Variants in HS6ST3 observed in about 807,000 individuals in gnomAD.
The protein encoded by HS6ST3 is heparan-sulfate 6-O-sulfotransferase 3.
Under a neutral mutation model 36.7 loss-of-function variants are expected in HS6ST3, and 12 were observed. That is an observed-to-expected ratio of 0.33 (90% CI 0.21 to 0.53). The LOEUF is 0.53. Ranked by LOEUF, HS6ST3 falls within the 20% of genes least tolerant of loss-of-function variation. The pLI is 0.95. For synonymous variants in HS6ST3, 240 were observed against 257.5 expected, an observed-to-expected ratio of 0.93 and a Z score of 0.65; for missense variants, 584 against 640.9, an observed-to-expected ratio of 0.91 and a Z score of 0.96.
chr13:96,715,707 A>G (rs902619980), intron 1 of HS6ST3, among the ~76,000 whole-genome samples: 2 of 152,126 alleles, frequency 1.3e-5, no homozygotes, highest in African/African-American at 4.8e-5. Context: ...TCCGATAATG[A>G]AAGTTGTTAA....
chr13:96,427,636 C>T (rs1264697802), intron 1 of HS6ST3, among the ~76,000 whole-genome samples: 1 of 152,052 alleles, frequency 6.6e-6, no homozygotes, highest in African/African-American at 2.4e-5. Flanking sequence ...ATCCTTTATT[C>T]AGCTTTCCCT....
At chr13:96,554,489 C>A (rs1348157971) in intron 1 of HS6ST3, among the ~76,000 whole-genome samples, 2 of 152,146 alleles carry the variant, frequency 1.3e-5, no homozygotes, top group African/African-American at 4.8e-5. Flanking sequence ...TCTGCTATAA[C>A]AAAACCAATG....
At chr13:96,229,759 G>A (rs1377702653) in intron 1 of HS6ST3, among the ~76,000 whole-genome samples, 2 of 152,138 alleles carry the variant, frequency 1.3e-5, no homozygotes, top group Admixed American at 1.3e-4. Context: ...AGCCTTCAAG[G>A]GGTTCACTAT....
chr13:96,277,230 A>C (rs2054752724), intron 1 of HS6ST3, among the ~76,000 whole-genome samples: 1 of 152,210 alleles, frequency 6.6e-6, no homozygotes, highest in Admixed American at 6.5e-5. Flanking sequence ...CCAGTGAAGG[A>C]TTCCTTGAAT....
intron 1 of HS6ST3, among the ~76,000 whole-genome samples, chr13:96,371,798 AGTTTTTT>A (rs2055291377): frequency 6.6e-6 from 1 of 152,094 alleles, no homozygotes; most frequent in Non-Finnish European, 1.5e-5. Flanking sequence ...TTCCCTTCTT[AGTTTTTT>A]AAAGGATTAA....
chr13:96,777,780 A>C (rs1316167607), intron 1 of HS6ST3, among the ~76,000 whole-genome samples: 1 of 152,212 alleles, frequency 6.6e-6, no homozygotes, highest in Non-Finnish European at 1.5e-5. Context: ...TGCTATCCCC[A>C]TCAAGTTACC....
chr13:96,520,237 A>G (rs1239078487), intron 1 of HS6ST3, among the ~76,000 whole-genome samples: 1 of 152,190 alleles, frequency 6.6e-6, no homozygotes, highest in Non-Finnish European at 1.5e-5. Flanking sequence ...TACCAGTACC[A>G]TGCTGTTTTG....
chr13:96,524,670 A>T (rs1566386679), intron 1 of HS6ST3, among the ~76,000 whole-genome samples: 1 of 152,234 alleles, frequency 6.6e-6, no homozygotes, highest in Admixed American at 6.5e-5. Flanking sequence ...CTCCGTGGGC[A>T]TGGGACCTGC....
chr13:96,554,243 A>G (rs1183186210), intron 1 of HS6ST3, among the ~76,000 whole-genome samples: 1 of 152,182 alleles, frequency 6.6e-6, no homozygotes, highest in Non-Finnish European at 1.5e-5. Context: ...TTCAAAATAG[A>G]TAACAGCCAG....
intron 1 of HS6ST3, among the ~76,000 whole-genome samples, chr13:96,125,266 G>T (rs937994385): frequency 2.0e-5 from 3 of 152,032 alleles, no homozygotes; most frequent in Non-Finnish European, 4.4e-5. Context: ...TTACAACTGG[G>T]GGAAATATTT....
Position 96,792,265 on chromosome 13 carries a change from G to C in HS6ST3, c.708-40225G>C, listed in dbSNP as rs750099593. 1.9e-3 allele frequency among the ~76,000 whole-genome samples: 293 copies of C among 152,110 alleles called. 11 individuals are homozygous for C. The highest frequency in any genetic ancestry group is 2.1e-3 in the Non-Finnish European group (145 of 67,942). ...AGTGGTGGAGTTACACACTTGAGCT[G>C]AATAATGGAAATATACTTTCATTCT... On this transcript the variant is annotated intron_variant, in intron 1 of 1. Coordinates refer to ENST00000376705, the MANE Select transcript of HS6ST3 (RefSeq NM_153456.4).
At chr13:96,768,418 C>A (rs1877175396) in intron 1 of HS6ST3, among the ~76,000 whole-genome samples, 1 of 152,158 alleles carries the variant, frequency 6.6e-6, no homozygotes, top group Non-Finnish European at 1.5e-5. Flanking sequence ...CACGTATAAG[C>A]CTTTCTTAGC....
At chr13:96,553,324 C>A (rs1380521967) in intron 1 of HS6ST3, among the ~76,000 whole-genome samples, 6 of 152,128 alleles carry the variant, frequency 3.9e-5, no homozygotes, top group African/African-American at 1.4e-4. Flanking sequence ...GTCAATGAGT[C>A]AGAGTCTGCA....
chr13:96,582,895 A>AT (rs1374443857), intron 1 of HS6ST3, among the ~76,000 whole-genome samples: 3 of 152,126 alleles, frequency 2.0e-5, no homozygotes, highest in Non-Finnish European at 4.4e-5. Context: ...ACTACAAATA[A>AT]TTTTTTTGTA....
chr13:96,716,168 A>G (rs560284652), intron 1 of HS6ST3, among the ~76,000 whole-genome samples: 1 of 152,162 alleles, frequency 6.6e-6, no homozygotes, highest in South Asian at 2.1e-4. Context: ...TTATTTCTTT[A>G]ATTACCTACC....
At position 96,090,533 on chromosome 13, in the gene HS6ST3, C is replaced by T. The variant is rs1328364397; in HGVS notation, c.-330C>T. Among the ~76,000 whole-genome samples the T allele has an allele frequency of 2.0e-5, 3 of 146,402 alleles. No homozygotes were observed. The highest frequency in any genetic ancestry group is 3.2e-3 in the Middle Eastern group (1 of 310). ...CGCCTGAGCGCCTGCAAGCCGCCGG[C>T]GGGATGCCGCGCGTCGCCTGAGAGA... On this transcript the variant is annotated 5_prime_UTR_variant, in exon 1 of 2. Coordinates refer to ENST00000376705, the MANE Select transcript of HS6ST3 (RefSeq NM_153456.4).
At chr13:96,711,512 A>T (rs1269979164) in intron 1 of HS6ST3, among the ~76,000 whole-genome samples, 1 of 152,246 alleles carries the variant, frequency 6.6e-6, no homozygotes, top group Admixed American at 6.5e-5. Flanking sequence ...AATAGCATAT[A>T]GGCGATTGTG....
chr13:96,751,357 AAGATGGAGGCAG>A (rs1253972296), intron 1 of HS6ST3, among the ~76,000 whole-genome samples: 2 of 152,082 alleles, frequency 1.3e-5, no homozygotes, highest in Admixed American at 6.6e-5. Flanking sequence ...GGGTGGGGTG[AAGATGGAGGCAG>A]AGATTGGAGT....
At chr13:96,600,284 A>T (rs1351542363) in intron 1 of HS6ST3, among the ~76,000 whole-genome samples, 2 of 151,212 alleles carry the variant, frequency 1.3e-5, no homozygotes, top group African/African-American at 4.9e-5. Flanking sequence ...CTTTTCTTAA[A>T]TTTAGTGGTA....
Sources: gnomAD v4.1 joint callset for allele counts (sites outside exome capture counted in the v4.1 genomes callset) on GRCh38, gnomAD v4.1.1 for gene constraint, MANE v1.5 for transcripts, NCBI Gene and HGNC (gene_info 2026-07-23, HGNC 2026-07-21) for gene names.